Variants in FAM117A observed in about 807,000 individuals in gnomAD.
FAM117A encodes the protein protein FAM117A.
Under a neutral mutation model 44.1 loss-of-function variants are expected in FAM117A, and 21 were observed. The observed-to-expected ratio is 0.48, with a 90% confidence interval of 0.34 to 0.69. The LOEUF is 0.69. Ranked by LOEUF, FAM117A falls within the 30% of genes least tolerant of loss-of-function variation. The pLI is 0.01. For synonymous variants in FAM117A, 220 were observed against 238.3 expected, an observed-to-expected ratio of 0.92 and a Z score of 0.71; for missense variants, 498 against 589.9, an observed-to-expected ratio of 0.84 and a Z score of 1.61.
chr17:49,740,287 C>A (rs757635117), intron 1 of FAM117A, among the ~76,000 whole-genome samples: 1 of 151,792 alleles, frequency 6.6e-6, no homozygotes, highest in East Asian at 1.9e-4. Flanking sequence ...TCACTCTGTC[C>A]CTCAGGCTGG....
chr17:49,779,059 G>C (rs370859796), intron 1 of FAM117A, among the ~76,000 whole-genome samples: 136 of 152,316 alleles, frequency 8.9e-4, no homozygotes, highest in Middle Eastern at 3.4e-3. Context: ...ATGTGCAAAG[G>C]TCCTGAGAAG....
intron 5 of FAM117A, among the ~76,000 whole-genome samples, chr17:49,719,432 G>T (rs183021290): frequency 3.9e-5 from 6 of 152,180 alleles, no homozygotes; most frequent in African/African-American, 1.2e-4. Context: ...CGCCCATGCC[G>T]GTGCCGAGCA....
chr17:49,752,918 C>A (rs2073683100), intron 1 of FAM117A, among the ~76,000 whole-genome samples: 1 of 150,920 alleles, frequency 6.6e-6, no homozygotes, highest in African/African-American at 2.4e-5. Flanking sequence ...GGCTGGAGGG[C>A]AGTGGTGCAG....
chr17:49,781,972 T>C (rs576623833), intron 1 of FAM117A, among the ~76,000 whole-genome samples: 3 of 151,856 alleles, frequency 2.0e-5, no homozygotes, highest in Non-Finnish European at 4.4e-5. Context: ...CAAGATCCTG[T>C]CTCAAAAAAA....
chr17:49,744,275 ATTTG>A (rs1746309595), intron 1 of FAM117A, among the ~76,000 whole-genome samples: 1 of 151,750 alleles, frequency 6.6e-6, no homozygotes, highest in African/African-American at 2.4e-5. Flanking sequence ...ATACTTTATT[ATTTG>A]TTTATTTATT....
chr17:49,774,949 T>C (rs1326770838), intron 1 of FAM117A, among the ~76,000 whole-genome samples: 3 of 152,122 alleles, frequency 2.0e-5, no homozygotes, highest in Non-Finnish European at 4.4e-5. Flanking sequence ...TCTGTGCGAG[T>C]AATGGGCTCT....
intron 1 of FAM117A, among the ~76,000 whole-genome samples, chr17:49,779,451 G>A (rs1328569403): frequency 1.3e-5 from 2 of 152,234 alleles, no homozygotes; most frequent in African/African-American, 4.8e-5. Context: ...TCAGGCAAGG[G>A]ATAGCCCCCA....
intron 1 of FAM117A, among the ~76,000 whole-genome samples, chr17:49,758,638 A>AAAAT (rs201340759): frequency 0.044 from 5,908 of 135,108 alleles, 162 homozygotes; most frequent in Admixed American, 0.085. Flanking sequence ...AAAAAAAAAT[A>AAAAT]AAATAAATAA....
At chr17:49,750,049 A>C (rs773589300) in intron 1 of FAM117A, among the ~76,000 whole-genome samples, 1 of 148,926 alleles carries the variant, frequency 6.7e-6, no homozygotes, top group Non-Finnish European at 1.5e-5. Flanking sequence ...GTGCAGTCAA[A>C]TTAGTCTCAC....
intron 1 of FAM117A, among the ~76,000 whole-genome samples, chr17:49,787,461 G>C (rs1181853694): frequency 1.3e-5 from 2 of 152,220 alleles, no homozygotes; most frequent in African/African-American, 4.8e-5. Context: ...GCTGGCTAAA[G>C]GTCTGGAACT....
chr17:49,747,501 G>A (rs1467432493), intron 1 of FAM117A, among the ~76,000 whole-genome samples: 1 of 152,200 alleles, frequency 6.6e-6, no homozygotes, highest in Non-Finnish European at 1.5e-5. Flanking sequence ...CTCAGGGCTA[G>A]AAAGGTCACA....
intron 1 of FAM117A, among the ~76,000 whole-genome samples, chr17:49,762,904 C>T (rs2073727675): frequency 6.6e-6 from 1 of 152,162 alleles, no homozygotes; most frequent in Non-Finnish European, 1.5e-5. Context: ...AAGTTTGCTT[C>T]TCCCTAGTTT....
intron 2 of FAM117A, among the ~76,000 whole-genome samples, chr17:49,724,228 C>T (rs571940247): frequency 4.6e-5 from 7 of 152,236 alleles, no homozygotes; most frequent in Non-Finnish European, 1.0e-4. Context: ...CCTCAAGGCT[C>T]CAGGACCAAC....
At chr17:49,758,642 T>TAAA (rs112755250) in intron 1 of FAM117A, among the ~76,000 whole-genome samples, 2 of 44,386 alleles carry the variant, frequency 4.5e-5, no homozygotes, top group East Asian at 3.5e-4. Flanking sequence ...AAAAATAAAA[T>TAAA]AAATAAATAA....
chr17:49,726,105 T>C (rs1043294497), intron 2 of FAM117A, among the ~76,000 whole-genome samples: 4 of 152,204 alleles, frequency 2.6e-5, no homozygotes, highest in Admixed American at 6.5e-5. Context: ...AAATAATACA[T>C]TTCTGTGGTA....
At chr17:49,743,503 G>A (rs1280088448) in intron 1 of FAM117A, among the ~76,000 whole-genome samples, 1 of 152,160 alleles carries the variant, frequency 6.6e-6, no homozygotes, top group African/African-American at 2.4e-5. Flanking sequence ...GCTGAGGCGG[G>A]CGGATCACGA....
chr17:49,712,321 G>A (rs1384800872), intron 7 of FAM117A, among the ~76,000 whole-genome samples: 1 of 152,140 alleles, frequency 6.6e-6, no homozygotes, highest in Non-Finnish European at 1.5e-5. Context: ...GCATTGTCCT[G>A]TGCATTGTAA....
chr17:49,750,613 C>T (rs1158282533), intron 1 of FAM117A, among the ~76,000 whole-genome samples: 2 of 151,752 alleles, frequency 1.3e-5, no homozygotes, highest in East Asian at 1.9e-4. Context: ...CCCATCTCTA[C>T]TAAAAATACA....
At chr17:49,783,722 CCT>C (rs2073797014) in intron 1 of FAM117A, among the ~76,000 whole-genome samples, 1 of 152,214 alleles carries the variant, frequency 6.6e-6, no homozygotes, top group Non-Finnish European at 1.5e-5. Flanking sequence ...ACATCAGCAA[CCT>C]CTGAGATTCT....
Sources: gnomAD v4.1 joint callset for allele counts (sites outside exome capture counted in the v4.1 genomes callset) on GRCh38, gnomAD v4.1.1 for gene constraint, MANE v1.5 for transcripts, NCBI Gene and HGNC (gene_info 2026-07-23, HGNC 2026-07-21) for gene names.